Variants in GLIS3 observed in about 807,000 individuals in gnomAD.
GLIS3 encodes the protein GLIS family zinc finger 3, also known as zinc finger protein GLIS3.
GLIS3 carries 53 observed loss-of-function variants against 78.6 expected under a neutral mutation model. The observed-to-expected ratio is 0.67, with a 90% CI of 0.54 to 0.85. GLIS3 has a LOEUF of 0.85. Ranked by LOEUF, GLIS3 falls within the 40% of genes least tolerant of loss-of-function variation. The pLI is 0.00. For missense variants in GLIS3, 1,703 were observed against 1,231.1 expected, an observed-to-expected ratio of 1.38 and a Z score of -5.74; for synonymous variants, 684 against 509.9, an observed-to-expected ratio of 1.34 and a Z score of -4.60.
chr9:4,432,159 T>A, the GLIS3 span, among the ~76,000 whole-genome samples: 1 of 152,166 alleles, frequency 6.6e-6, no homozygotes, highest in African/African-American at 2.4e-5. Flanking sequence ...CCCATATAAT[T>A]TCATGATGAT....
intron 2 of GLIS3, among the ~76,000 whole-genome samples, chr9:4,219,948 GCT>G (rs1346198104): frequency 3.3e-5 from 5 of 152,158 alleles, no homozygotes; most frequent in Non-Finnish European, 7.3e-5. Context: ...AGTAACCACA[GCT>G]CTCTGTGGAA....
intron 4 of GLIS3, among the ~76,000 whole-genome samples, chr9:3,998,490 T>C (rs901212179): frequency 3.9e-5 from 6 of 151,932 alleles, no homozygotes; most frequent in Non-Finnish European, 8.8e-5. Context: ...TACTACTGTA[T>C]TTATTTTTAA....
At chr9:4,349,322 C>G (rs1332969974), upstream of GLIS3, among the ~76,000 whole-genome samples, 1 of 152,178 alleles carries the variant, frequency 6.6e-6, no homozygotes, top group Admixed American at 6.5e-5. Context: ...GATTATATGA[C>G]CCATAAAAGC....
chr9:4,160,510 A>G (rs1835391268), intron 2 of GLIS3, among the ~76,000 whole-genome samples: 1 of 152,234 alleles, frequency 6.6e-6, no homozygotes, highest in South Asian at 2.1e-4. Flanking sequence ...GCAAAGTGAC[A>G]TGCGATACAG....
intron 2 of GLIS3, among the ~76,000 whole-genome samples, chr9:4,216,515 A>AAAAG (rs1554623360): frequency 7.7e-6 from 1 of 130,578 alleles, no homozygotes; most frequent in Non-Finnish European, 1.8e-5. Context: ...AAAGAAAAAG[A>AAAAG]AAAAAAAAAA....
chr9:4,288,856 A>T (rs1828216054), intron 1 of GLIS3, among the ~76,000 whole-genome samples: 1 of 152,188 alleles, frequency 6.6e-6, no homozygotes, highest in Non-Finnish European at 1.5e-5. Flanking sequence ...AGCTGAGCAA[A>T]ACCAGCCTCA....
chr9:4,092,152 ATT>A (rs112790451), intron 4 of GLIS3, among the ~76,000 whole-genome samples: 67,638 of 137,440 alleles, frequency 0.49, 15,425 homozygotes, highest in South Asian at 0.6. Flanking sequence ...CTGTTTTACA[ATT>A]TTTTTTTTTT....
At chr9:4,290,938 C>A (rs1052964831) in intron 1 of GLIS3, among the ~76,000 whole-genome samples, 2 of 152,056 alleles carry the variant, frequency 1.3e-5, no homozygotes, top group African/African-American at 4.8e-5. Flanking sequence ...GATATGATAA[C>A]CCATAACAAG....
chr9:4,227,288 T>C (rs1821854175), intron 2 of GLIS3, among the ~76,000 whole-genome samples: 1 of 138,948 alleles, frequency 7.2e-6, no homozygotes, highest in Non-Finnish European at 1.5e-5. Flanking sequence ...AAGATGGTTC[T>C]GGGTCACGTT....
intron 2 of GLIS3, among the ~76,000 whole-genome samples, chr9:4,315,077 G>A (rs955400277): frequency 2.6e-5 from 4 of 152,168 alleles, no homozygotes; most frequent in South Asian, 4.1e-4. Context: ...TCTGTGTACT[G>A]ACTCAACCAG....
At chr9:3,879,877 TAGTC>T (rs1254123302) in intron 7 of GLIS3, among the ~76,000 whole-genome samples, 4 of 152,080 alleles carry the variant, frequency 2.6e-5, no homozygotes, top group African/African-American at 7.2e-5. Flanking sequence ...ACTGTATAAT[TAGTC>T]AGTCTTGTAC....
chr9:4,317,607 T>C (rs935041667), intron 2 of GLIS3, among the ~76,000 whole-genome samples: 25 of 152,274 alleles, frequency 1.6e-4, no homozygotes, highest in African/African-American at 5.8e-4. Context: ...CATCCTTTTA[T>C]ATGATACCTA....
intron 8 of GLIS3, among the ~76,000 whole-genome samples, chr9:3,863,617 A>C (rs1206492372): frequency 6.6e-6 from 1 of 152,232 alleles, no homozygotes; most frequent in Non-Finnish European, 1.5e-5. Flanking sequence ...CTGAACCTAC[A>C]CTGAGCATGA....
intron 2 of GLIS3, among the ~76,000 whole-genome samples, chr9:4,185,747 G>A (rs923638841): frequency 6.6e-6 from 1 of 152,098 alleles, no homozygotes; most frequent in African/African-American, 2.4e-5. Context: ...TCAGCACAAG[G>A]CATCAGTTAG....
chr9:4,319,973 G>C (rs1354788394), intron 2 of GLIS3, among the ~76,000 whole-genome samples: 2 of 149,902 alleles, frequency 1.3e-5, no homozygotes, highest in Non-Finnish European at 3.0e-5. Flanking sequence ...CAGTAGGTTA[G>C]TAGAGGGGGT....
chr9:4,130,553 G>A lies in GLIS3; in HGVS notation c.389-4612C>T, dbSNP rs146009194. On this transcript the variant is annotated intron_variant, in intron 2 of 10. Coordinates refer to ENST00000381971, the MANE Select transcript of GLIS3 (RefSeq NM_001042413.2). Reference sequence around the variant, plus strand: ...GGGCCCAGGTACAGCTCAGGCCTCTGCTTCAGAGGGTGCAAACCATAGACG... The same window carrying A: ...GGGCCCAGGTACAGCTCAGGCCTCTACTTCAGAGGGTGCAAACCATAGACG... 2.6e-3 allele frequency among the ~76,000 whole-genome samples: 392 copies of A among 152,368 alleles called. 1 individual carries two copies. The highest frequency in any genetic ancestry group is 6.8e-3 in the Middle Eastern group (2 of 294).
intron 2 of GLIS3, among the ~76,000 whole-genome samples, chr9:4,203,413 G>T (rs940428934): frequency 2.0e-5 from 3 of 152,208 alleles, no homozygotes; most frequent in Non-Finnish European, 2.9e-5. Flanking sequence ...GTAGAAAGCA[G>T]TTCCGAGATT....
intron 6 of GLIS3, among the ~76,000 whole-genome samples, chr9:3,923,274 A>G (rs1825010694): frequency 6.6e-6 from 1 of 152,200 alleles, no homozygotes; most frequent in Admixed American, 6.5e-5. Flanking sequence ...CAGGGCACAT[A>G]AGGCCCTTTA....
intron 2 of GLIS3, among the ~76,000 whole-genome samples, chr9:4,271,419 G>C (rs142772200): frequency 5.6e-4 from 85 of 152,254 alleles, no homozygotes; most frequent in Admixed American, 2.3e-3. Context: ...AAGGTCAATG[G>C]TATATATCCT....
Sources: allele counts gnomAD v4.1 joint callset (sites outside exome capture counted in the v4.1 genomes callset), GRCh38; gene constraint gnomAD v4.1.1; transcripts MANE v1.5; gene names NCBI Gene and HGNC (gene_info 2026-07-23, HGNC 2026-07-21).